WNT7B: variants seen among roughly 807,000 people sequenced by gnomAD.
WNT7B encodes Wnt family member 7B.
A neutral mutation model predicts 38.2 loss-of-function variants in WNT7B; 19 were observed. That is an observed-to-expected ratio of 0.50 (90% CI 0.35 to 0.73). The LOEUF (loss-of-function observed/expected upper bound fraction) is 0.73, where lower values mean the gene tolerates loss of function less well. Ranked by LOEUF, WNT7B falls within the 30% of genes least tolerant of loss-of-function variation. The pLI, the probability that WNT7B is intolerant of heterozygous loss-of-function variation, is 0.01. For missense variants in WNT7B, 423 were observed against 507.9 expected (o/e 0.83, Z 1.61); for synonymous variants, 243 against 209.3 (o/e 1.16, Z -1.39).
chr22:45,941,708 C>G (rs576767964), intron 2 of WNT7B, among the ~76,000 whole-genome samples: 2 of 152,024 alleles, frequency 1.3e-5, no homozygotes, highest in Non-Finnish European at 2.9e-5. Flanking sequence ...CCTGGCCCCG[C>G]GAAGATGTCC....
chr22:45,972,390 C>T (rs1321069244), intron 1 of WNT7B: 4 of 301,478 alleles, frequency 1.3e-5, no homozygotes, highest in Non-Finnish European at 1.2e-5. Context: ...AGTTGTCGCC[C>T]GTGCCCCGCC....
Position 45,977,072 on chromosome 22 carries a change from G to T in WNT7B, c.-318C>A. The T allele has an allele frequency of 2.1e-5, 20 of 956,906 alleles. No homozygotes were observed. The highest frequency in any genetic ancestry group is 2.5e-5 in the Non-Finnish European group (20 of 804,424). The allele number at this position is 956,906 out of a possible 1,614,324, so 59.3% of individuals were successfully genotyped here. On this transcript the variant is annotated 5_prime_UTR_variant, in exon 1 of 4. Transcript: ENST00000339464. ...CGCGGCTGGCGGGCGGGTGCAGCCT[G>T]CACTAGGCGCAGCCGCCTGAGGCCG... is the stretch of plus-strand genomic sequence containing the variant.
intron 2 of WNT7B, among the ~76,000 whole-genome samples, chr22:45,946,851 T>C (rs1289614458): frequency 6.6e-6 from 1 of 152,210 alleles, no homozygotes; most frequent in African/African-American, 2.4e-5. Flanking sequence ...GATTTGCCCT[T>C]TTAAGGGGTA....
Position 45,976,945 on chromosome 22 carries a change from A to G in WNT7B, c.-191T>C. The stretch of plus-strand genomic sequence containing the variant: ...GTGAGCCCGGGATGCCGCCGCCGCC[A>G]CCGCCGCGTGAGCCCGGGGAATTGA... On this transcript the variant is annotated 5_prime_UTR_variant, in exon 1 of 4. Coordinates refer to ENST00000339464, the MANE Select transcript of WNT7B (RefSeq NM_058238.3). This position sits in a 1 kb window ranked among gnomAD's most constrained non-coding sequence, Gnocchi z 8.5. The G allele has an allele frequency of 1.0e-6, 1 of 988,298 alleles. No homozygotes were observed. The highest frequency in any genetic ancestry group is 6.2e-5 in the Admixed American group (1 of 16,226). The allele number at this position is 988,298 out of a possible 1,614,324, so 61.2% of individuals were successfully genotyped here.
rs1308212249 is a variant in WNT7B, at chr22:45,958,920, C to A, written c.72-8774G>T. On this transcript the variant is annotated intron_variant, in intron 1 of 3. Transcript: ENST00000339464. ...CTGAGGAGCTCTTGGAGAAGGAAGC[C>A]CCCCGACGGGCACCCAGCTGCAAGG... Among the ~76,000 whole-genome samples, 5 of 152,240 alleles carry A rather than the reference C, an allele frequency of 3.3e-5. No homozygotes were observed. In the East Asian group the frequency reaches 9.7e-4, roughly 29 times the overall value.
intron 3 of WNT7B, among the ~76,000 whole-genome samples, 181 bp downstream of exon 3, chr22:45,930,917 G>T (rs1281694877): frequency 6.6e-6 from 1 of 152,170 alleles, no homozygotes; most frequent in Non-Finnish European, 1.5e-5. Context: ...GATGGGGACA[G>T]CCTCCTCCCG....
At chr22:45,964,009 G>A (rs1007859057) in intron 1 of WNT7B, among the ~76,000 whole-genome samples, 1 of 152,140 alleles carries the variant, frequency 6.6e-6, no homozygotes, top group East Asian at 1.9e-4. Context: ...CAGGTTCTGA[G>A]AGAGAGCAGG....
chr22:45,972,128 ACCCCGCACGCCGCCCG>A (rs1932458399), intron 1 of WNT7B: 3 of 131,518 alleles, frequency 2.3e-5, no homozygotes, highest in Admixed American at 1.4e-4. Flanking sequence ...CCACCCGCCC[ACCCCGCACGCCGCCCG>A]CGGCACTCAC....
rs559951103 is a variant in WNT7B, at chr22:45,957,789, G to C, written c.72-7643C>G. ...TGCTTTGTATGTGCCTAGCCCGCAC[G>C]GGGGGTGCTAGCCCTTCCTGCACAC... On this transcript the variant is annotated intron_variant, in intron 1 of 3. Coordinates refer to ENST00000339464, the MANE Select transcript of WNT7B (RefSeq NM_058238.3). Among the ~76,000 whole-genome samples, 3 of 150,874 alleles carry C rather than the reference G, an allele frequency of 2.0e-5. No individual in the cohort carries two copies. In the East Asian group the frequency reaches 5.9e-4, roughly 30 times the overall value.
intron 2 of WNT7B, among the ~76,000 whole-genome samples, chr22:45,940,414 T>G (rs1415085283): frequency 6.6e-6 from 1 of 151,980 alleles, no homozygotes; most frequent in African/African-American, 2.4e-5. Context: ...TGTGCCTCAC[T>G]GACCTGGACG....
intron 1 of WNT7B, among the ~76,000 whole-genome samples, chr22:45,958,237 G>A (rs1460400356): frequency 3.9e-5 from 6 of 152,110 alleles, no homozygotes; most frequent in Non-Finnish European, 5.9e-5. Flanking sequence ...GGGCGACACC[G>A]TCTCTGCCAA....
chr22:45,922,652 T>G lies in WNT7B; in HGVS notation c.*204A>C. The G allele has an allele frequency of 2.6e-6, 2 of 784,136 alleles. No homozygotes were observed. The highest frequency in any genetic ancestry group is 2.0e-5 in the South Asian group (1 of 49,066). The allele number at this position is 784,136 out of a possible 1,614,324, so 48.6% of individuals were successfully genotyped here. On this transcript the variant is annotated 3_prime_UTR_variant, in exon 4 of 4. Transcript: ENST00000339464. The stretch of plus-strand genomic sequence containing the variant: ...ACGGGTGCTGTTCTGCCGCAGGAGG[T>G]GATGGGAGGAGGTGGCAGGAAGGAG...
intron 3 of WNT7B, chr22:45,927,363 CG>C (rs1601714713): frequency 1.1e-5 from 17 of 1,483,566 alleles, no homozygotes; most frequent in Non-Finnish European, 1.5e-5. Context: ...GGGGGCAGGG[CG>C]GGGGCGGGCC....
chr22:45,949,898 T>C (rs1601730588), intron 2 of WNT7B, 22 bp downstream of exon 2: 2 of 1,595,576 alleles, frequency 1.3e-6, no homozygotes, highest in Non-Finnish European at 1.7e-6. Flanking sequence ...GCTGGGCCCC[T>C]TGAGCCCAGA....
At chr22:45,957,150 T>G (rs1199465288) in intron 1 of WNT7B, among the ~76,000 whole-genome samples, 1 of 150,918 alleles carries the variant, frequency 6.6e-6, no homozygotes, top group Non-Finnish European at 1.5e-5. Context: ...CCACCTCATC[T>G]TGGAGACAGA....
intron 2 of WNT7B, among the ~76,000 whole-genome samples, chr22:45,941,284 C>T (rs1453581540): frequency 1.3e-5 from 2 of 152,074 alleles, no homozygotes; most frequent in Non-Finnish European, 2.9e-5. Flanking sequence ...CTAAGGCGGG[C>T]GGATCACCTG....
intron 1 of WNT7B, among the ~76,000 whole-genome samples, chr22:45,950,652 C>A (rs1395102412): frequency 6.6e-6 from 1 of 152,210 alleles, no homozygotes; most frequent in Admixed American, 6.5e-5. Flanking sequence ...CAAGCCCATC[C>A]GGTACTGACT....
chr22:45,949,275 C>T lies in WNT7B; in HGVS notation c.298+645G>A, dbSNP rs566332007. On this transcript the variant is annotated intron_variant, in intron 2 of 3. Transcript: ENST00000339464. ...GCACAGGCAGCAGGGATCTTGCCAG[C>T]CCACCTGGCAGGTTTCGGTGATTGC... Among the ~76,000 whole-genome samples the T allele has an allele frequency of 2.5e-3, 376 of 152,302 alleles. 2 individuals are homozygous for T. Among genetic ancestry groups the T allele is most frequent in the African/African-American group, 8.9e-3 (371 of 41,564 alleles).
intron 1 of WNT7B, among the ~76,000 whole-genome samples, chr22:45,973,243 CT>C (rs1932489579): frequency 6.6e-6 from 1 of 152,212 alleles, no homozygotes; most frequent in African/African-American, 2.4e-5. Flanking sequence ...CCTCGAGTTC[CT>C]TTTATTTTTT....
Sources: gnomAD v4.1 joint callset for allele counts (sites outside exome capture counted in the v4.1 genomes callset) on GRCh38, gnomAD v4.1.1 for gene constraint, Gnocchi (gnomAD v3.1) non-coding constraint, MANE v1.5 for transcripts, NCBI Gene and HGNC (gene_info 2026-07-23, HGNC 2026-07-21) for gene names.